The following AMD1 variants were observed in gnomAD, a reference collection of about 807,000 sequenced individuals.
AMD1 encodes adenosylmethionine decarboxylase 1, also known as S-adenosylmethionine decarboxylase proenzyme.
In AMD1, 11 loss-of-function variants were observed where a neutral mutation model predicts 40.2. The observed-to-expected ratio is 0.27, with a 90% CI of 0.17 to 0.45. AMD1 has a LOEUF of 0.45. AMD1 is among the 20% of genes least tolerant of loss of function. The pLI, the probability that AMD1 is intolerant of heterozygous loss-of-function variation, is 1.00. For missense variants in AMD1, 257 were observed against 410.2 expected, an observed-to-expected ratio of 0.63 and a Z score of 3.23; for synonymous variants, 121 against 130.8, an observed-to-expected ratio of 0.93 and a Z score of 0.51.
chr6:110,873,900 T>G (rs902288045), upstream of AMD1, among the ~76,000 whole-genome samples: 2 of 152,252 alleles, frequency 1.3e-5, no homozygotes, highest in Non-Finnish European at 2.9e-5. Context: ...ATACATCAGC[T>G]TGATAAAATT....
intron 1 of AMD1, among the ~76,000 whole-genome samples, chr6:110,885,643 T>C (rs1189138900): frequency 6.6e-6 from 1 of 152,214 alleles, no homozygotes; most frequent in Admixed American, 6.5e-5. Context: ...ATATGTATTC[T>C]TTCCATATAT....
chr6:110,818,125 G>C, the AMD1 span, among the ~76,000 whole-genome samples: 2 of 152,174 alleles, frequency 1.3e-5, no homozygotes. Context: ...AGAGGTTTTA[G>C]GTTTCATTAT....
chr6:110,869,307 A>G, the AMD1 span, among the ~76,000 whole-genome samples: 1 of 148,078 alleles, frequency 6.8e-6, no homozygotes, highest in South Asian at 2.1e-4. Flanking sequence ...ATTTTTTTGT[A>G]TTTTTTAGTA....
chr6:110,826,507 T>C, the AMD1 span, among the ~76,000 whole-genome samples: 1 of 151,976 alleles, frequency 6.6e-6, no homozygotes, highest in Admixed American at 6.6e-5. Flanking sequence ...TCAAGATGTC[T>C]GGAGGGCCAT....
chr6:110,893,691 TG>T lies in AMD1; in HGVS notation c.*80del. On this transcript the variant is annotated 3_prime_UTR_variant, in exon 9 of 9. Transcript: ENST00000368885. ...GTGGATGCTTTCTAGATGTCGATGC[TG>T]GGGGCAGTGCTTTCCATAACCACCA... The T allele has an allele frequency of 6.6e-7, 1 of 1,521,848 alleles. No homozygotes were observed. The highest frequency in any genetic ancestry group is 8.9e-7 in the Non-Finnish European group (1 of 1,121,856). The allele number at this position is 1,521,848 out of a possible 1,614,324, so 94.3% of individuals were successfully genotyped here.
intron 1 of AMD1, among the ~76,000 whole-genome samples, chr6:110,886,849 A>G (rs1322287099): frequency 6.6e-6 from 1 of 152,252 alleles, no homozygotes; most frequent in Non-Finnish European, 1.5e-5. Context: ...TAATGAAAGA[A>G]TGAACACTTT....
the AMD1 span, among the ~76,000 whole-genome samples, chr6:110,821,586 C>T: frequency 6.6e-6 from 1 of 151,866 alleles, no homozygotes; most frequent in African/African-American, 2.4e-5. Context: ...TGCACTCCAG[C>T]CTGGGAGACG....
rs201905478 is a variant in AMD1 at position 110,893,516 on chromosome 6, T to C, written c.905T>C (p.Ile302Thr). ...CRTVLASPQK[I>T]EGFKRLDCQS... ...ACAGTGCTTGCTTCGCCCCAGAAGA[T>C]TGAAGGTTTTAAGCGTCTTGATTGC... Residue 302 changes from isoleucine to threonine, a missense_variant, in exon 9 of 9, where the codon ATT becomes ACT. Coordinates refer to ENST00000368885, the MANE Select transcript of AMD1 (RefSeq NM_001634.6). 2.5e-6 allele frequency: 4 copies of C among 1,614,022 alleles called. No individual in the cohort carries two copies. In the East Asian group the frequency reaches 8.9e-5, roughly 36 times the overall value.
At chr6:110,858,186 C>A in the AMD1 span, 3 of 659,230 alleles carry the variant, frequency 4.6e-6, no homozygotes, top group Non-Finnish European at 8.2e-6. Flanking sequence ...AGCCCCGCGC[C>A]TGCCAGGCCG....
chr6:110,860,820 A>G, the AMD1 span, among the ~76,000 whole-genome samples: 2 of 139,566 alleles, frequency 1.4e-5, no homozygotes, highest in Non-Finnish European at 3.0e-5. Context: ...CAAAAACAAA[A>G]CAAAACACCC....
At chr6:110,858,233 C>A in the AMD1 span, 5 of 906,340 alleles carry the variant, frequency 5.5e-6, no homozygotes, top group Non-Finnish European at 8.9e-6. Context: ...GCAGCGCGCG[C>A]CAGCCATGAG....
chr6:110,879,318 C>T (rs1785279324), intron 1 of AMD1, among the ~76,000 whole-genome samples: 1 of 152,184 alleles, frequency 6.6e-6, no homozygotes, highest in Non-Finnish European at 1.5e-5. Context: ...TGCACCAGTG[C>T]GCTCCATCTG....
chr6:110,859,002 G>A, the AMD1 span: 1 of 1,166,986 alleles, frequency 8.6e-7, no homozygotes, highest in South Asian at 1.2e-5. Flanking sequence ...CAAGCAAAGC[G>A]GCCAGGTCTT....
At position 110,890,345 on chromosome 6, in the gene AMD1, C is replaced by T; in HGVS notation, c.416C>T (p.Ala139Val). 4 of 1,590,528 alleles carry T rather than the reference C, an allele frequency of 2.5e-6. No individual in the cohort carries two copies. Among genetic ancestry groups the T allele is most frequent in the Non-Finnish European group, 3.4e-6 (4 of 1,171,946 alleles). The change falls in exon 4 of 9, where the codon GCA (alanine) becomes GTA (valine). Residue 139 changes from alanine (A) to valine (V), a missense_variant. Around this residue, in one of 3 missense-constraint regions of AMD1, gnomAD observed 192 missense variants for 296.5 expected, o/e 0.65. Transcript: ENST00000368885. ...NFQEEIEFLN[A>V]IFPNGAAYCM... ...CAGGAAGAAATAGAGTTTCTTAATGCAATTTTCCCAAGTAAGTTTAAATAA... is the reference window on the plus strand; with the variant it reads ...CAGGAAGAAATAGAGTTTCTTAATGTAATTTTCCCAAGTAAGTTTAAATAA...
In AMD1 at chr6:110,875,025, AGCGGCG is replaced by A. The variant is rs934887047; in HGVS notation, c.-75_-70del. 2.8e-5 allele frequency: 30 copies of A among 1,081,296 alleles called. No homozygotes were observed. The highest frequency in any genetic ancestry group is 3.9e-5 in the Non-Finnish European group (28 of 723,138). 67.0% of individuals were successfully genotyped at this position (1,081,296 alleles called of 1,614,324 possible). ...TAGTAACACAGCTGGAACAATCCGCAGCGGCGGCGGCAGCGGCGGGAGAAGAGGTTT... is the reference window on the plus strand; with the variant it reads ...TAGTAACACAGCTGGAACAATCCGCAGCGGCAGCGGCGGGAGAAGAGGTTT... On this transcript the variant is annotated 5_prime_UTR_variant, in exon 1 of 9. Coordinates refer to ENST00000368885, the MANE Select transcript of AMD1 (RefSeq NM_001634.6).
the AMD1 span, among the ~76,000 whole-genome samples, chr6:110,827,770 A>G: frequency 6.6e-6 from 1 of 151,888 alleles, no homozygotes; most frequent in Non-Finnish European, 1.5e-5. Flanking sequence ...CATCTCAAAA[A>G]AAAAAAAAAA....
the AMD1 span, among the ~76,000 whole-genome samples, chr6:110,827,913 T>C: frequency 6.6e-6 from 1 of 152,204 alleles, no homozygotes; most frequent in Non-Finnish European, 1.5e-5. Flanking sequence ...TGTCAACAGA[T>C]TATAAGAACT....
Position 110,874,994 on chromosome 6 carries a change from G to T in AMD1, c.-112G>T. On this transcript the variant is annotated 5_prime_UTR_variant, in exon 1 of 9. Transcript: ENST00000368885. The stretch of plus-strand genomic sequence containing the variant: ...TTATAGCAAAAAAAAAAAGGAACCT[G>T]AACTTTAGTAACACAGCTGGAACAA... 2.8e-6 allele frequency: 2 copies of T among 723,858 alleles called. No homozygotes were observed. The highest frequency in any genetic ancestry group is 1.8e-5 in the South Asian group (1 of 54,812). The allele number at this position is 723,858 out of a possible 1,614,324, so 44.8% of individuals were successfully genotyped here.
At chr6:110,829,451 G>A in the AMD1 span, among the ~76,000 whole-genome samples, 5 of 151,594 alleles carry the variant, frequency 3.3e-5, no homozygotes, top group Non-Finnish European at 4.4e-5. Context: ...AGGCTGAGGC[G>A]GGCAGATCAC....
Sources: gnomAD v4.1 joint callset for allele counts (sites outside exome capture counted in the v4.1 genomes callset) on GRCh38, gnomAD v4.1.1 for gene constraint, gnomAD v4.1.1 regional missense constraint, MANE v1.5 for transcripts, NCBI Gene and HGNC (gene_info 2026-07-23, HGNC 2026-07-21) for gene names.